The following GMDS variants were observed in gnomAD, a reference collection of about 807,000 sequenced individuals.
GMDS encodes the protein GDP-mannose 4,6 dehydratase.
A neutral mutation model predicts 49.9 loss-of-function variants in GMDS; 20 were observed. That is an observed-to-expected ratio of 0.40 (90% confidence interval 0.28 to 0.58). GMDS has a LOEUF of 0.58. GMDS is among the 20% of genes least tolerant of loss of function. The pLI is 0.42. For missense variants in GMDS, 362 were observed against 481.4 expected (o/e 0.75, Z 2.32); for synonymous variants, 177 against 178.6 (o/e 0.99, Z 0.07).
intron 9 of GMDS, among the ~76,000 whole-genome samples, chr6:1,696,221 C>T (rs1054162272): frequency 6.6e-6 from 1 of 152,204 alleles, no homozygotes; most frequent in Admixed American, 6.5e-5. Flanking sequence ...GAGGAAGTGA[C>T]AACTCAGGCT....
intron 5 of GMDS, 52 bp downstream of exon 5, chr6:1,960,722 A>C: frequency 8.2e-7 from 1 of 1,217,862 alleles, no homozygotes; most frequent in South Asian, 1.7e-5. Flanking sequence ...CACACCCCCC[A>C]CACCCACAGA....
At chr6:2,033,171 C>G (rs980577495) in intron 4 of GMDS, among the ~76,000 whole-genome samples, 4 of 151,962 alleles carry the variant, frequency 2.6e-5, no homozygotes, top group African/African-American at 9.7e-5. Context: ...ACCATATGAC[C>G]AATGAAATAA....
chr6:2,224,301 G>A (rs1780725545), intron 1 of GMDS, among the ~76,000 whole-genome samples: 1 of 152,182 alleles, frequency 6.6e-6, no homozygotes. Flanking sequence ...CACCCTTATT[G>A]ACACAGGTGT....
chr6:2,118,197 G>A (rs1305953361), intron 2 of GMDS, among the ~76,000 whole-genome samples: 1 of 151,888 alleles, frequency 6.6e-6, no homozygotes, highest in Non-Finnish European at 1.5e-5. Context: ...TAGGTGGGGG[G>A]TGGGGGGACA....
At chr6:2,059,886 A>C (rs1771042647) in intron 4 of GMDS, among the ~76,000 whole-genome samples, 1 of 151,896 alleles carries the variant, frequency 6.6e-6, no homozygotes, top group Non-Finnish European at 1.5e-5. Context: ...TAGTCTTCTA[A>C]ATGAAAGTAG....
At chr6:2,198,301 GCTGCCTGTCAA>G in intron 1 of GMDS, among the ~76,000 whole-genome samples, 1 of 152,262 alleles carries the variant, frequency 6.6e-6, no homozygotes, top group South Asian at 2.1e-4. Flanking sequence ...TGAAGAAGGG[GCTGCCTGTCAA>G]CAGGCATATC....
At chr6:1,909,928 A>C (rs1214084393) in intron 7 of GMDS, among the ~76,000 whole-genome samples, 1 of 152,190 alleles carries the variant, frequency 6.6e-6, no homozygotes, top group Non-Finnish European at 1.5e-5. Flanking sequence ...GTGTATAAGA[A>C]AGCAAACTCC....
chr6:1,770,504 G>A (rs1001848268), intron 7 of GMDS, among the ~76,000 whole-genome samples: 5 of 152,250 alleles, frequency 3.3e-5, no homozygotes, highest in African/African-American at 7.2e-5. Flanking sequence ...GCTGCAGAGC[G>A]CCTCTGGGAT....
Position 2,245,406 on chromosome 6 carries a change from G to A in GMDS, c.17C>T (p.Ala6Val). 1 of 1,528,732 alleles carries A rather than the reference G, an allele frequency of 6.5e-7. No individual in the cohort carries two copies. The highest frequency in any genetic ancestry group is 1.2e-5 in the South Asian group (1 of 83,550). The allele number at this position is 1,528,732 out of a possible 1,614,324, so 94.7% of individuals were successfully genotyped here. MAHAP[A>V]RCPSARGSGD... ...GGAGCCCCGGGCGCTGGGGCAGCGT[G>A]CCGGTGCGTGTGCCATGTCCCGCGG... The change falls in exon 1 of 11, where the codon GCA becomes GTA. Residue 6 changes from alanine (A) to valine (V), a missense_variant. Transcript: ENST00000380815.
Position 1,624,246 on chromosome 6 carries a change from T to G in GMDS, c.1057-15A>C, listed in dbSNP as rs778915697. ...CTCACCAGCTCCTGCAACACAGGGG[T>G]GGGCGTGAGGGAGGAGCTTCTGCCA... On this transcript the variant is annotated splice_polypyrimidine_tract_variant and intron_variant, in intron 10 of 10. Coordinates refer to ENST00000380815, the MANE Select transcript of GMDS (RefSeq NM_001500.4). 5 of 1,609,960 alleles carry G rather than the reference T, an allele frequency of 3.1e-6. No homozygotes were observed. The South Asian group carries it at 5.5e-5, about 18-fold the overall frequency.
intron 7 of GMDS, among the ~76,000 whole-genome samples, chr6:1,797,068 C>T (rs959529475): frequency 6.6e-6 from 1 of 152,166 alleles, no homozygotes; most frequent in African/African-American, 2.4e-5. Flanking sequence ...GGAACTGGGC[C>T]GCAAAGCAGG....
intron 6 of GMDS, among the ~76,000 whole-genome samples, chr6:1,945,567 G>A (rs1018260944): frequency 1.3e-5 from 2 of 152,194 alleles, no homozygotes; most frequent in Admixed American, 6.5e-5. Context: ...ATGCACATAC[G>A]GTTACAGAGG....
At chr6:1,733,021 G>A (rs1766872045) in intron 8 of GMDS, among the ~76,000 whole-genome samples, 1 of 152,178 alleles carries the variant, frequency 6.6e-6, no homozygotes, top group African/African-American at 2.4e-5. Context: ...CCTGAGCTCT[G>A]CCCCAGAGAT....
chr6:1,999,089 C>T (rs933634909), intron 4 of GMDS, among the ~76,000 whole-genome samples: 1 of 151,936 alleles, frequency 6.6e-6, no homozygotes, highest in Non-Finnish European at 1.5e-5. Flanking sequence ...TTTGGGAGGC[C>T]AAGGCGGCCA....
chr6:1,944,744 C>G (rs1762994286), intron 6 of GMDS, among the ~76,000 whole-genome samples: 1 of 151,616 alleles, frequency 6.6e-6, no homozygotes, highest in South Asian at 2.1e-4. Context: ...TATAGCCACC[C>G]AGCATAAAGA....
intron 4 of GMDS, among the ~76,000 whole-genome samples, chr6:2,028,652 CT>C (rs1768766440): frequency 2.6e-5 from 4 of 152,184 alleles, no homozygotes; most frequent in Admixed American, 6.5e-5. Flanking sequence ...AGGAAATGGG[CT>C]TGCAGGATGC....
At chr6:1,755,161 C>T (rs190595459) in intron 7 of GMDS, among the ~76,000 whole-genome samples, 1 of 152,324 alleles carries the variant, frequency 6.6e-6, no homozygotes, top group African/African-American at 2.4e-5. Flanking sequence ...TCTCCTTAAG[C>T]TCATAAGCAA....
rs1778998185 is a variant in GMDS, at chr6:2,191,171, G to A, written c.102+54150C>T. ...TCTGCACAGGGCCACCCACAGCCAT[G>A]TCCCCAGGGGTCCGCCCCGCATGGG... is the stretch of plus-strand genomic sequence containing the variant. On this transcript the variant is annotated intron_variant, in intron 1 of 10. Transcript: ENST00000380815. The surrounding 1 kb of genome is among the most constrained non-coding windows in gnomAD (Gnocchi z 4.6). 6.6e-6 allele frequency among the ~76,000 whole-genome samples: 1 copy of A among 152,104 alleles called. No individual in the cohort carries two copies. Among genetic ancestry groups the A allele is most frequent in the South Asian group, 2.1e-4 (1 of 4,828 alleles).
chr6:1,790,958 T>C (rs1399684613), intron 7 of GMDS, among the ~76,000 whole-genome samples: 2 of 152,168 alleles, frequency 1.3e-5, no homozygotes, highest in African/African-American at 4.8e-5. Flanking sequence ...ATCCCGGCTG[T>C]CTAGGTGGAC....
Sources: allele counts gnomAD v4.1 joint callset (sites outside exome capture counted in the v4.1 genomes callset), GRCh38; gene constraint gnomAD v4.1.1; non-coding constraint Gnocchi (gnomAD v3.1); transcripts MANE v1.5; gene names NCBI Gene and HGNC (gene_info 2026-07-23, HGNC 2026-07-21).